ARHGAP42: variants seen among roughly 807,000 people sequenced by gnomAD.
The protein encoded by ARHGAP42 is Rho GTPase activating protein 42, also known as rho GTPase-activating protein 42.
A neutral mutation model predicts 125.0 loss-of-function variants in ARHGAP42; 63 were observed. That is an observed-to-expected ratio of 0.50 (90% CI 0.41 to 0.62). ARHGAP42 has a LOEUF of 0.62. ARHGAP42 is among the 20% of genes least tolerant of loss of function. ARHGAP42 has a pLI of 0.00. For synonymous variants in ARHGAP42, 339 were observed against 351.0 expected (o/e 0.97, Z 0.38); for missense variants, 766 against 1,024.2 (o/e 0.75, Z 3.44).
intron 2 of ARHGAP42, among the ~76,000 whole-genome samples, chr11:100,783,940 C>CA (rs1565212614): frequency 1.3e-5 from 2 of 151,964 alleles, no homozygotes; most frequent in Admixed American, 1.3e-4. Context: ...GAAGGGGGGT[C>CA]AAAAAATAAC....
chr11:100,729,267 A>T (rs1861915383), intron 1 of ARHGAP42, among the ~76,000 whole-genome samples: 1 of 152,106 alleles, frequency 6.6e-6, no homozygotes, highest in African/African-American at 2.4e-5. Context: ...TACTGAGTAG[A>T]TATAAACCCT....
At chr11:100,966,666 T>C (rs1052780552) in intron 17 of ARHGAP42, among the ~76,000 whole-genome samples, 4 of 152,202 alleles carry the variant, frequency 2.6e-5, no homozygotes, top group African/African-American at 9.6e-5. Context: ...ACCAAATATC[T>C]GGGTATCATA....
chr11:100,911,729 A>G (rs150139471), intron 4 of ARHGAP42, among the ~76,000 whole-genome samples: 81 of 152,274 alleles, frequency 5.3e-4, no homozygotes, highest in Non-Finnish European at 7.6e-4. Flanking sequence ...TAGCCTCTCT[A>G]TCCTGAACCT....
chr11:100,771,376 C>A (rs1862973788), intron 2 of ARHGAP42, among the ~76,000 whole-genome samples: 1 of 152,174 alleles, frequency 6.6e-6, no homozygotes, highest in Admixed American at 6.5e-5. Flanking sequence ...CCTCCACCCC[C>A]ACCTTTTAAA....
intron 5 of ARHGAP42, among the ~76,000 whole-genome samples, chr11:100,920,154 C>A (rs1320847482): frequency 1.3e-5 from 2 of 152,106 alleles, no homozygotes; most frequent in Non-Finnish European, 2.9e-5. Context: ...AAATCTCCTA[C>A]CTGATTTATA....
At chr11:100,737,521 ATG>A (rs1476076871) in intron 1 of ARHGAP42, among the ~76,000 whole-genome samples, 1 of 152,082 alleles carries the variant, frequency 6.6e-6, no homozygotes, top group Admixed American at 6.6e-5. Flanking sequence ...TAAAACTTTC[ATG>A]TGTTTCCATT....
At chr11:100,903,721 T>TAC (rs1330999557) in intron 4 of ARHGAP42, among the ~76,000 whole-genome samples, 5 of 70,816 alleles carry the variant, frequency 7.1e-5, no homozygotes, top group Non-Finnish European at 2.6e-5. Context: ...TATATATATA[T>TAC]ATATATATAT....
chr11:100,714,389 T>TTGTGTGTG lies in ARHGAP42; in HGVS notation c.154+26583_154+26590dup, dbSNP rs10609660. On this transcript the variant is annotated intron_variant, in intron 1 of 23. Transcript: ENST00000298815. ...TCACTTACATGTAAAACATAAAAAT[T>TTGTGTGTG]TGTGTGTGTGTGTGTGTGTGTGTGT... Among the ~76,000 whole-genome samples the TTGTGTGTG allele has an allele frequency of 3.3e-5, 5 of 149,780 alleles. No individual in the cohort carries two copies. In the South Asian group the frequency reaches 6.4e-4, roughly 19 times the overall value.
At chr11:100,867,626 C>A (rs774600043) in intron 4 of ARHGAP42, among the ~76,000 whole-genome samples, 1 of 152,194 alleles carries the variant, frequency 6.6e-6, no homozygotes, top group Non-Finnish European at 1.5e-5. Context: ...CTAAAACTTT[C>A]TTCATATTTG....
chr11:100,731,905 A>G (rs928280067), intron 1 of ARHGAP42, among the ~76,000 whole-genome samples: 2 of 151,664 alleles, frequency 1.3e-5, no homozygotes, highest in Admixed American at 6.6e-5. Flanking sequence ...GTTTTTCTAC[A>G]TAGCACTTAT....
chr11:100,860,663 A>C (rs1258488561), intron 4 of ARHGAP42, among the ~76,000 whole-genome samples: 1 of 151,926 alleles, frequency 6.6e-6, no homozygotes, highest in African/African-American at 2.4e-5. Context: ...ATATCCCAGC[A>C]CCAGAAACAA....
At chr11:100,722,940 A>G (rs1396806087) in intron 1 of ARHGAP42, among the ~76,000 whole-genome samples, 6 of 152,176 alleles carry the variant, frequency 3.9e-5, no homozygotes, top group Admixed American at 2.0e-4. Context: ...TTGTGTTTAC[A>G]TTTAGATCGG....
intron 4 of ARHGAP42, among the ~76,000 whole-genome samples, chr11:100,868,459 A>G (rs931035496): frequency 6.6e-6 from 1 of 152,218 alleles, no homozygotes; most frequent in Non-Finnish European, 1.5e-5. Flanking sequence ...CAACCAGCCT[A>G]TTAAATAACC....
intron 2 of ARHGAP42, among the ~76,000 whole-genome samples, chr11:100,784,521 G>A (rs1241628993): frequency 6.6e-6 from 1 of 152,134 alleles, no homozygotes; most frequent in East Asian, 1.9e-4. Context: ...TTGGATATAT[G>A]GAAGGAAGGA....
intron 1 of ARHGAP42, among the ~76,000 whole-genome samples, chr11:100,719,838 G>C (rs1425399986): frequency 2.6e-5 from 4 of 152,202 alleles, no homozygotes; most frequent in African/African-American, 9.7e-5. Flanking sequence ...AGAGAAGTGT[G>C]CTTGAAAAGA....
At position 100,803,740 on chromosome 11, in the gene ARHGAP42, G is replaced by A. The variant is rs376409475; in HGVS notation, c.312+8574G>A. 1.8e-4 allele frequency among the ~76,000 whole-genome samples: 27 copies of A among 152,250 alleles called. No homozygotes were observed. The South Asian group carries it at 4.8e-3, about 27-fold the overall frequency. On this transcript the variant is annotated intron_variant, in intron 3 of 23. Transcript: ENST00000298815. ...CCTGGGCCCCTCACTTTCTAGTATA[G>A]TCCCTGACCTTGACAAATGATTTCT...
intron 1 of ARHGAP42, among the ~76,000 whole-genome samples, chr11:100,760,890 A>C (rs1862685852): frequency 6.6e-6 from 1 of 152,136 alleles, no homozygotes; most frequent in Non-Finnish European, 1.5e-5. Context: ...GTTAGGTAAT[A>C]AAAGGAGAAA....
rs544793933 is a variant in ARHGAP42, at chr11:100,797,515, A to T, written c.312+2349A>T. Among the ~76,000 whole-genome samples, 3 of 152,214 alleles carry T rather than the reference A, an allele frequency of 2.0e-5. No individual in the cohort carries two copies. The South Asian group carries it at 6.2e-4, about 32-fold the overall frequency. ...AATCTACCCTGTCTGGGCTCTAGTT[A>T]TAGAACATGGAGCCTGGATGAGAGC... On this transcript the variant is annotated intron_variant, in intron 3 of 23. Coordinates refer to ENST00000298815, the MANE Select transcript of ARHGAP42 (RefSeq NM_152432.4).
intron 3 of ARHGAP42, among the ~76,000 whole-genome samples, chr11:100,848,940 G>A (rs1022146445): frequency 6.6e-6 from 1 of 152,156 alleles, no homozygotes; most frequent in Non-Finnish European, 1.5e-5. Context: ...ATAAGTGCAG[G>A]AGAGTGTGAA....
Sources: allele counts gnomAD v4.1 joint callset (sites outside exome capture counted in the v4.1 genomes callset), GRCh38; gene constraint gnomAD v4.1.1; transcripts MANE v1.5; gene names NCBI Gene and HGNC (gene_info 2026-07-23, HGNC 2026-07-21).